The following TMEM192 variants were observed in gnomAD, a reference collection of about 807,000 sequenced individuals.
TMEM192 encodes the protein transmembrane protein 192.
Under a neutral mutation model 26.7 loss-of-function variants are expected in TMEM192, and 20 were observed. That is an observed-to-expected ratio of 0.75 (90% CI 0.53 to 1.09). The LOEUF (loss-of-function observed/expected upper bound fraction) is 1.09. Ranked by LOEUF, TMEM192 falls within the 50% of genes least tolerant of loss-of-function variation. The pLI is 0.00. For synonymous variants in TMEM192, 124 were observed against 121.0 expected (o/e 1.02, Z -0.16); for missense variants, 304 against 322.6 (o/e 0.94, Z 0.44).
chr4:165,074,399 G>C lies in TMEM192; in HGVS notation c.*5259C>G, dbSNP rs1169307999. 1.3e-5 allele frequency: 2 copies of C among 152,254 alleles called. No individual in the cohort carries two copies. The highest frequency in any genetic ancestry group is 3.4e-3 in the Middle Eastern group (1 of 294). The allele number at this position is 152,254 out of a possible 1,614,324, so 9.4% of individuals were successfully genotyped here. Reference sequence around the variant, plus strand: ...ACATATTCAAAGTTTGATTCTTCAAGAACTCAAGAGTTTACCAGATGTGAG... The same window carrying C: ...ACATATTCAAAGTTTGATTCTTCAACAACTCAAGAGTTTACCAGATGTGAG... On this transcript the variant is annotated 3_prime_UTR_variant, in exon 6 of 6. Coordinates refer to ENST00000306480, the MANE Select transcript of TMEM192 (RefSeq NM_001100389.2).
intron 2 of TMEM192, among the ~76,000 whole-genome samples, chr4:165,102,309 A>G (rs923515321): frequency 5.3e-5 from 8 of 152,318 alleles, no homozygotes; most frequent in Admixed American, 5.2e-4. Context: ...TAATACAAGC[A>G]CATGGTTAAA....
chr4:165,103,683 TTTTTTA>T (rs926845754), intron 1 of TMEM192, among the ~76,000 whole-genome samples: 3 of 151,982 alleles, frequency 2.0e-5, no homozygotes, highest in African/African-American at 4.8e-5. Context: ...ACCCGGCTAA[TTTTTTA>T]TTTTTAATTT....
chr4:165,112,032 C>G (rs1210631342), intron 1 of TMEM192, among the ~76,000 whole-genome samples: 4 of 152,224 alleles, frequency 2.6e-5, no homozygotes, highest in Admixed American at 6.5e-5. Context: ...TGTAATTATG[C>G]TACCATTCTG....
chr4:165,088,696 C>A, intron 3 of TMEM192, 94 bp from the exon 4 acceptor site: 1 of 1,253,104 alleles, frequency 8.0e-7, no homozygotes, highest in Non-Finnish European at 1.1e-6. Flanking sequence ...GTTCCTTACA[C>A]AGAGCTCCTA....
chr4:165,090,213 G>GAAAA (rs35732863), intron 3 of TMEM192, among the ~76,000 whole-genome samples: 5 of 52,080 alleles, frequency 9.6e-5, no homozygotes, highest in African/African-American at 1.4e-4. Flanking sequence ...CTCCGTCTTG[G>GAAAA]AAAAAAAAAA....
chr4:165,088,594 C>T lies in TMEM192; in HGVS notation c.448G>A (p.Val150Met). ...ALMIQSSGNT[V>M]LLLILCMQHS... is the part of the protein sequence containing the mutation. ...TGCATGCACAGTATGAGGAGAAGCA[C>T]TGTGTTGCCTGAGGAGGAGAAACAT... Residue 150 changes from valine (V) to methionine (M), a missense_variant, in exon 4 of 6, where the codon GTG (valine) becomes ATG (methionine). Transcript: ENST00000306480. The T allele has an allele frequency of 1.2e-6, 2 of 1,610,432 alleles. No individual in the cohort carries two copies. Among genetic ancestry groups the T allele is most frequent in the Non-Finnish European group, 1.7e-6 (2 of 1,178,274 alleles).
At chr4:165,092,918 T>C (rs559614843) in intron 3 of TMEM192, among the ~76,000 whole-genome samples, 5 of 149,064 alleles carry the variant, frequency 3.4e-5, no homozygotes, top group South Asian at 2.1e-4. Flanking sequence ...ATAATAAAAA[T>C]AAATAAAAAA....
intron 1 of TMEM192, among the ~76,000 whole-genome samples, chr4:165,111,228 G>A (rs1485906658): frequency 2.0e-5 from 3 of 152,030 alleles, no homozygotes; most frequent in Non-Finnish European, 2.9e-5. Flanking sequence ...CCAGTATCTG[G>A]GATTACAGGC....
At position 165,098,080 on chromosome 4, in the gene TMEM192, CA is replaced by C. The variant is rs1319016091; in HGVS notation, c.439+2547del. Among the ~76,000 whole-genome samples the C allele has an allele frequency of 3.3e-5, 5 of 151,766 alleles. No homozygotes were observed. In the East Asian group the frequency reaches 7.8e-4, roughly 24 times the overall value. ...AAGTGATCCTCCCGCCTCAGCCTAC[CA>C]AAGTGCTGAGATGCTAGCATTACAG... On this transcript the variant is annotated intron_variant, in intron 3 of 5. Coordinates refer to ENST00000306480, the MANE Select transcript of TMEM192 (RefSeq NM_001100389.2).
rs905944826 is a variant in TMEM192 at position 165,100,676 on chromosome 4, G to A, written c.391C>T (p.Arg131Ter). Residue 131 changes from arginine (R) to a stop codon, truncating the protein, a stop_gained, in exon 3 of 6, where the codon CGA becomes TGA. Coordinates refer to ENST00000306480, the MANE Select transcript of TMEM192 (RefSeq NM_001100389.2). LOFTEE classifies it high-confidence loss of function. ...AGTCTCTTGAGATGCCTTGTTGATCGGTAGATCAAGTTATAGCCTCGGTTT... is the reference window on the plus strand; with the variant it reads ...AGTCTCTTGAGATGCCTTGTTGATCAGTAGATCAAGTTATAGCCTCGGTTT... ...IRNRGYNLIY[R>*]STRHLKRLAL... The A allele has an allele frequency of 1.1e-5, 17 of 1,613,948 alleles. No individual in the cohort carries two copies. Among genetic ancestry groups the A allele is most frequent in the African/African-American group, 1.3e-5 (1 of 74,900 alleles).
intron 5 of TMEM192, among the ~76,000 whole-genome samples, chr4:165,084,960 A>T (rs2110744713): frequency 6.6e-6 from 1 of 151,704 alleles, no homozygotes; most frequent in South Asian, 2.1e-4. Context: ...TGGGCAATAC[A>T]GAGAGACTCT....
chr4:165,105,504 G>A lies in TMEM192; in HGVS notation c.28-2408C>T, dbSNP rs555304814. Among the ~76,000 whole-genome samples the A allele has an allele frequency of 2.0e-5, 3 of 152,230 alleles. No homozygotes were observed. The South Asian group carries it at 6.2e-4, about 32-fold the overall frequency. On this transcript the variant is annotated intron_variant, in intron 1 of 5. Coordinates refer to ENST00000306480, the MANE Select transcript of TMEM192 (RefSeq NM_001100389.2). ...CCTCAGTTTCCACATCTAAAAAGGA[G>A]ACTAATAATAGCACCTGCTTCGTAG...
Position 165,085,692 on chromosome 4 carries a change from A to G in TMEM192, c.575-4T>C, listed in dbSNP as rs760740136. ...TTATTAAATCTCCGGATTTTCACTA[A>G]AATAATAAAGTCATTATTAGATCGA... On this transcript the variant is annotated splice_region_variant and splice_polypyrimidine_tract_variant and intron_variant, in intron 4 of 5. Transcript: ENST00000306480. 24 of 1,576,782 alleles carry G rather than the reference A, an allele frequency of 1.5e-5. No individual in the cohort carries two copies. The East Asian group carries it at 5.2e-4, about 34-fold the overall frequency.
At chr4:165,112,683 G>A (rs1735323515) in intron 1 of TMEM192, 64 bp downstream of exon 1, 2 of 1,597,964 alleles carry the variant, frequency 1.3e-6, no homozygotes, top group East Asian at 4.5e-5. Context: ...TCTCCGCCCC[G>A]TGCGCCCCGG....
intron 3 of TMEM192, among the ~76,000 whole-genome samples, chr4:165,099,941 C>T (rs1216515750): frequency 6.6e-6 from 1 of 152,034 alleles, no homozygotes; most frequent in Non-Finnish European, 1.5e-5. Flanking sequence ...CAGAGCAAGG[C>T]CCTGCCTCAG....
intron 2 of TMEM192, 99 bp from the exon 3 acceptor site, chr4:165,100,991 T>TTTC: frequency 8.1e-7 from 1 of 1,230,454 alleles, no homozygotes; most frequent in Non-Finnish European, 1.1e-6. Flanking sequence ...TTTTTTTTTT[T>TTTC]TCTGAGACAG....
intron 3 of TMEM192, among the ~76,000 whole-genome samples, chr4:165,090,029 T>A (rs567812904): frequency 1.3e-5 from 2 of 151,814 alleles, no homozygotes; most frequent in African/African-American, 2.4e-5. Flanking sequence ...CTGACCAACA[T>A]GAAGAAACCC....
At chr4:165,096,595 G>A (rs768304287) in intron 3 of TMEM192, among the ~76,000 whole-genome samples, 1 of 150,022 alleles carries the variant, frequency 6.7e-6, no homozygotes, top group Non-Finnish European at 1.5e-5. Context: ...ACTGTTATCT[G>A]TAAGTCCTAC....
At chr4:165,095,920 G>A (rs1473651205) in intron 3 of TMEM192, among the ~76,000 whole-genome samples, 2 of 149,834 alleles carry the variant, frequency 1.3e-5, no homozygotes, top group South Asian at 2.1e-4. Context: ...GATTATAGGC[G>A]CCCACCACCA....
Sources: allele counts gnomAD v4.1 joint callset (sites outside exome capture counted in the v4.1 genomes callset), GRCh38; gene constraint gnomAD v4.1.1; transcripts MANE v1.5; gene names NCBI Gene and HGNC (gene_info 2026-07-23, HGNC 2026-07-21).